Variants in BRSK2 observed in about 807,000 individuals in gnomAD.
BRSK2 encodes the protein serine/threonine-protein kinase BRSK2.
Under a neutral mutation model 83.3 loss-of-function variants are expected in BRSK2, and 19 were observed. The observed-to-expected ratio is 0.23, with a 90% CI of 0.16 to 0.33. BRSK2 has a LOEUF of 0.33. BRSK2 is among the 10% of genes least tolerant of loss of function. BRSK2 has a pLI of 1.00. For missense variants in BRSK2, 798 were observed against 1,042.3 expected, an observed-to-expected ratio of 0.77 and a Z score of 3.23; for synonymous variants, 519 against 435.4, an observed-to-expected ratio of 1.19 and a Z score of -2.39.
intron 16 of BRSK2, among the ~76,000 whole-genome samples, chr11:1,455,033 C>T (rs1003765536): frequency 2.0e-5 from 3 of 152,102 alleles, no homozygotes; most frequent in Non-Finnish European, 2.9e-5. Flanking sequence ...AGTGGACAGC[C>T]CCAGCCCTCA....
chr11:1,450,495 C>CA (rs1845684794), intron 13 of BRSK2, 92 bp from the exon 14 acceptor site: 1 of 641,422 alleles, frequency 1.6e-6, no homozygotes, highest in Non-Finnish European at 2.7e-6. Context: ...CCCCAGCTGG[C>CA]ACCACCCCTG....
intron 1 of BRSK2, among the ~76,000 whole-genome samples, chr11:1,405,351 G>GGT (rs1846797251): frequency 6.6e-6 from 1 of 152,092 alleles, no homozygotes; most frequent in Non-Finnish European, 1.5e-5. Flanking sequence ...TGCATATGCA[G>GGT]GTGTGTGTGT....
chr11:1,442,402 C>T, intron 4 of BRSK2, 88 bp from the exon 5 acceptor site: 1 of 945,870 alleles, frequency 1.1e-6, no homozygotes, highest in South Asian at 1.3e-5. Context: ...TTTGGAGAGG[C>T]AGTGGGCTCT....
chr11:1,406,499 G>C (rs1846886544), intron 1 of BRSK2, among the ~76,000 whole-genome samples: 1 of 152,196 alleles, frequency 6.6e-6, no homozygotes, highest in Non-Finnish European at 1.5e-5. Flanking sequence ...AGCCACACCT[G>C]GGCTGTCCCT....
At chr11:1,445,031 C>T (rs774839189) in intron 9 of BRSK2, 29 bp downstream of exon 9, 3 of 1,607,550 alleles carry the variant, frequency 1.9e-6, no homozygotes, top group African/African-American at 1.3e-5. Context: ...CACTAATCGC[C>T]TGCTTTGCCT....
intron 8 of BRSK2, among the ~76,000 whole-genome samples, chr11:1,443,858 G>A (rs1851676671): frequency 6.6e-6 from 1 of 152,092 alleles, no homozygotes; most frequent in Non-Finnish European, 1.5e-5. Flanking sequence ...GAGTGTTCAA[G>A]TGTGTGTGCG....
In BRSK2 at chr11:1,454,829, G is replaced by A. The variant is rs547280136; in HGVS notation, c.1668+221G>A. 1.9e-4 allele frequency among the ~76,000 whole-genome samples: 29 copies of A among 152,322 alleles called. No individual in the cohort carries two copies. In the South Asian group the frequency reaches 2.1e-3, roughly 11 times the overall value. On this transcript the variant is annotated intron_variant, in intron 16 of 19. Coordinates refer to ENST00000528841, the MANE Select transcript of BRSK2 (RefSeq NM_001256627.2). The surrounding 1 kb of genome is among the most constrained non-coding windows in gnomAD (Gnocchi z 5.2). ...TGCCCATCTGGGGTGCTTGGCCTGC[G>A]GAGGGAGTCAGGGCTTTGCTCACTG... is the stretch of plus-strand genomic sequence containing the variant.
Position 1,438,417 on chromosome 11 carries a change from TG to T in BRSK2, c.272+30del. On this transcript the variant is annotated intron_variant, in intron 3 of 19. Coordinates refer to ENST00000528841, the MANE Select transcript of BRSK2 (RefSeq NM_001256627.2). The surrounding 1 kb of genome is among the most constrained non-coding windows in gnomAD (Gnocchi z 6.4). ...GTAGGTATTGCTGGGTCTGAAGAGC[TG>T]GGGTGGCGGAGGTGGCAGCTGTCGC... 1.2e-6 allele frequency: 2 copies of T among 1,607,168 alleles called. No individual in the cohort carries two copies. The highest frequency in any genetic ancestry group is 1.1e-5 in the South Asian group (1 of 90,904).
At chr11:1,440,459 C>A (rs1266558732) in intron 3 of BRSK2, among the ~76,000 whole-genome samples, 1 of 152,094 alleles carries the variant, frequency 6.6e-6, no homozygotes, top group African/African-American at 2.4e-5. Context: ...CGAGCCTTGG[C>A]CCCAGCACCC....
chr11:1,438,345 C>T lies in BRSK2; in HGVS notation c.226C>T (p.Pro76Ser). ...EIAILKLIEH[P>S]HVLKLHDVYE... Reference sequence around the variant, plus strand: ...CGCGATCCTGAAGCTCATTGAGCACCCCCACGTCCTAAAGCTGCACGACGT... The same window carrying T: ...CGCGATCCTGAAGCTCATTGAGCACTCCCACGTCCTAAAGCTGCACGACGT... Residue 76 changes from proline to serine, a missense_variant, in exon 3 of 20, where the codon CCC becomes TCC. Pro to Ser is a moderately conservative substitution (Grantham distance 74). Transcript: ENST00000528841. This position sits in a 1 kb window ranked among gnomAD's most constrained non-coding sequence, Gnocchi z 6.4. 6.2e-7 allele frequency: 1 copy of T among 1,614,080 alleles called. No individual in the cohort carries two copies. The highest frequency in any genetic ancestry group is 8.5e-7 in the Non-Finnish European group (1 of 1,179,968).
At chr11:1,446,061 GGC>G (rs1852021388) in intron 12 of BRSK2, among the ~76,000 whole-genome samples, 154 bp downstream of exon 12, 1 of 56,204 alleles carries the variant, frequency 1.8e-5, no homozygotes, top group African/African-American at 6.3e-5. Context: ...GGCTGGGCTG[GGC>G]TGGGCTTGGC....
intron 8 of BRSK2, among the ~76,000 whole-genome samples, chr11:1,444,188 G>GC (rs201439035): frequency 0.026 from 3,996 of 152,234 alleles, 63 homozygotes; most frequent in Non-Finnish European, 0.033. Context: ...TCCAGACGCT[G>GC]CTGGGGCAAG....
chr11:1,454,402 G>C lies in BRSK2; in HGVS notation c.1545-83G>C. 1 of 1,536,260 alleles carries C rather than the reference G, an allele frequency of 6.5e-7. No individual in the cohort carries two copies. Among genetic ancestry groups the C allele is most frequent in the African/African-American group, 1.4e-5 (1 of 73,370 alleles). ...TCACGAAGCGATGGAAGATTCCGCCGTTCCAACCCCAGATTCGAGGGAGGC... is the reference window on the plus strand; with the variant it reads ...TCACGAAGCGATGGAAGATTCCGCCCTTCCAACCCCAGATTCGAGGGAGGC... On this transcript the variant is annotated intron_variant, in intron 15 of 19. Transcript: ENST00000528841. The surrounding 1 kb of genome is among the most constrained non-coding windows in gnomAD (Gnocchi z 5.2).
At chr11:1,406,877 T>C (rs542556094) in intron 1 of BRSK2, among the ~76,000 whole-genome samples, 1 of 152,298 alleles carries the variant, frequency 6.6e-6, no homozygotes, top group East Asian at 1.9e-4. Flanking sequence ...TGCAGGTTTG[T>C]GTGCGCCTGC....
intron 12 of BRSK2, among the ~76,000 whole-genome samples, chr11:1,448,456 G>A (rs111995533): frequency 3.9e-5 from 6 of 152,310 alleles, no homozygotes; most frequent in Non-Finnish European, 8.8e-5. Context: ...CAGGGCTGGC[G>A]CCGTCTCTCC....
chr11:1,458,531 C>T (rs1305183054), intron 18 of BRSK2, among the ~76,000 whole-genome samples: 1 of 152,188 alleles, frequency 6.6e-6, no homozygotes, highest in African/African-American at 2.4e-5. Context: ...GGCTAGCCAG[C>T]AGGGGGCCTC....
At chr11:1,456,973 C>T in intron 18 of BRSK2, 1 of 1,597,494 alleles carries the variant, frequency 6.3e-7, no homozygotes, top group Non-Finnish European at 8.5e-7. Context: ...CCACCAGCGC[C>T]AGGACTAAGC....
intron 1 of BRSK2, among the ~76,000 whole-genome samples, chr11:1,392,358 G>C (rs1564787408): frequency 6.6e-6 from 1 of 152,258 alleles, no homozygotes; most frequent in Non-Finnish European, 1.5e-5. Context: ...CCAGGGACCT[G>C]GCCACAGGGG....
At chr11:1,450,565 C>T (rs1304521459) in intron 13 of BRSK2, 22 bp from the exon 14 acceptor site, 4 of 1,449,998 alleles carry the variant, frequency 2.8e-6, no homozygotes, top group Non-Finnish European at 3.8e-6. Flanking sequence ...AACCAAACAC[C>T]AAATCTGTCC....
Sources: allele counts gnomAD v4.1 joint callset (sites outside exome capture counted in the v4.1 genomes callset), GRCh38; gene constraint gnomAD v4.1.1; non-coding constraint Gnocchi (gnomAD v3.1); transcripts MANE v1.5; gene names NCBI Gene and HGNC (gene_info 2026-07-23, HGNC 2026-07-21).